The following PRKN variants were observed in gnomAD, a reference collection of about 807,000 sequenced individuals.
PRKN encodes parkin RBR E3 ubiquitin protein ligase.
In PRKN, 56 loss-of-function variants were observed where a neutral mutation model predicts 59.5. The observed-to-expected ratio is 0.94, with a 90% CI of 0.76 to 1.18. PRKN has a LOEUF of 1.18. Ranked by LOEUF, PRKN falls within the 50% of genes most tolerant of loss-of-function variation. The pLI, the probability that PRKN is intolerant of heterozygous loss-of-function variation, is 0.00. For missense variants in PRKN, 657 were observed against 596.4 expected, an observed-to-expected ratio of 1.10 and a Z score of -1.06; for synonymous variants, 250 against 222.1, an observed-to-expected ratio of 1.13 and a Z score of -1.12.
intron 2 of PRKN, among the ~76,000 whole-genome samples, chr6:162,377,156 G>T (rs1786153293): frequency 6.6e-6 from 1 of 152,162 alleles, no homozygotes; most frequent in South Asian, 2.1e-4. Flanking sequence ...CATACAGTTA[G>T]CCAATACCCT....
intron 6 of PRKN, among the ~76,000 whole-genome samples, chr6:161,958,502 T>TA (rs1366407996): frequency 2.0e-5 from 3 of 152,186 alleles, no homozygotes; most frequent in African/African-American, 7.2e-5. Flanking sequence ...ATGGTATTTG[T>TA]AAAAAATAAT....
chr6:162,331,007 G>C (rs1191955699), intron 2 of PRKN, among the ~76,000 whole-genome samples: 1 of 152,056 alleles, frequency 6.6e-6, no homozygotes, highest in African/African-American at 2.4e-5. Flanking sequence ...TATCGTTTCA[G>C]GTTTTCCATC....
chr6:161,392,495 T>C (rs1222989202), intron 9 of PRKN, among the ~76,000 whole-genome samples: 2 of 150,702 alleles, frequency 1.3e-5, no homozygotes, highest in Non-Finnish European at 3.0e-5. Flanking sequence ...TGCAAAATTA[T>C]AGTTCAAACC....
At chr6:162,376,782 G>T (rs1160535396) in intron 2 of PRKN, among the ~76,000 whole-genome samples, 1 of 99,164 alleles carries the variant, frequency 1.0e-5, no homozygotes, top group Non-Finnish European at 2.1e-5. Flanking sequence ...AGGGGGAGGG[G>T]GAGGGGAGGA....
At chr6:162,100,335 T>G (rs112121987) in intron 4 of PRKN, among the ~76,000 whole-genome samples, 5 of 152,270 alleles carry the variant, frequency 3.3e-5, no homozygotes, top group African/African-American at 9.6e-5. Context: ...ATTTTTAACT[T>G]TTGAGCTGTT....
At chr6:162,257,811 C>T (rs1250065596) in intron 3 of PRKN, among the ~76,000 whole-genome samples, 1 of 152,110 alleles carries the variant, frequency 6.6e-6, no homozygotes, top group Non-Finnish European at 1.5e-5. Context: ...TCCACCCTTT[C>T]CTCCTGCAGT....
rs577282260 is a variant in PRKN, at chr6:162,667,310, T to C, written c.7+60352A>G. ...AGCCAGCCAGAAGATTTTTTACAAT[T>C]TTAAACGGGTTAATTACCAAGTATA... is the stretch of plus-strand genomic sequence containing the variant. On this transcript the variant is annotated intron_variant, in intron 1 of 11. Coordinates refer to ENST00000366898, the MANE Select transcript of PRKN (RefSeq NM_004562.3). 3.3e-5 allele frequency among the ~76,000 whole-genome samples: 5 copies of C among 152,198 alleles called. No individual in the cohort carries two copies. The South Asian group carries it at 1.0e-3, about 32-fold the overall frequency.
chr6:161,971,164 C>T (rs1162496693), intron 6 of PRKN, among the ~76,000 whole-genome samples: 1 of 152,042 alleles, frequency 6.6e-6, no homozygotes, highest in African/African-American at 2.4e-5. Flanking sequence ...ATTAATGTGA[C>T]AATATTATTT....
intron 7 of PRKN, among the ~76,000 whole-genome samples, chr6:161,659,925 G>A (rs771822542): frequency 7.9e-5 from 12 of 152,152 alleles, no homozygotes; most frequent in African/African-American, 1.2e-4. Flanking sequence ...TCATTACCGA[G>A]TTCATACAGT....
chr6:161,787,342 C>T (rs1423784342), intron 6 of PRKN, among the ~76,000 whole-genome samples: 13 of 152,150 alleles, frequency 8.5e-5, no homozygotes, highest in Admixed American at 8.5e-4. Flanking sequence ...CAAGGGCGCA[C>T]CTAAAGGTGC....
Position 162,710,828 on chromosome 6 carries a change from G to A in PRKN, c.7+16834C>T, listed in dbSNP as rs987864014. Among the ~76,000 whole-genome samples the A allele has an allele frequency of 2.0e-5, 3 of 152,166 alleles. No homozygotes were observed. The South Asian group carries it at 6.2e-4, about 32-fold the overall frequency. On this transcript the variant is annotated intron_variant, in intron 1 of 11. Coordinates refer to ENST00000366898, the MANE Select transcript of PRKN (RefSeq NM_004562.3). ...CTCTTGTGGAGAAAAATGAACAGCT[G>A]AAATCCCATTTTCAGGTGAATCTCC...
intron 7 of PRKN, among the ~76,000 whole-genome samples, chr6:161,763,927 A>G (rs1190402853): frequency 6.6e-6 from 1 of 152,050 alleles, no homozygotes; most frequent in Admixed American, 6.6e-5. Context: ...GCCCCTTTGC[A>G]ACCATTTTCC....
chr6:161,727,125 G>A (rs1023129183), intron 7 of PRKN, among the ~76,000 whole-genome samples: 1 of 152,160 alleles, frequency 6.6e-6, no homozygotes, highest in African/African-American at 2.4e-5. Context: ...GGGTGGCGAT[G>A]GGCTCCATAA....
chr6:161,706,854 G>A (rs752772305), intron 7 of PRKN, among the ~76,000 whole-genome samples: 6 of 152,092 alleles, frequency 3.9e-5, no homozygotes, highest in South Asian at 2.1e-4. Flanking sequence ...CACCACACCC[G>A]GACTGACTCA....
At chr6:162,508,777 G>A (rs775646818) in intron 1 of PRKN, among the ~76,000 whole-genome samples, 74 of 152,158 alleles carry the variant, frequency 4.9e-4, no homozygotes, top group Non-Finnish European at 7.9e-4. Context: ...ATATAAGCCC[G>A]GGAGGTTGAG....
At chr6:162,669,573 G>A (rs1411954863) in intron 1 of PRKN, among the ~76,000 whole-genome samples, 1 of 152,134 alleles carries the variant, frequency 6.6e-6, no homozygotes, top group African/African-American at 2.4e-5. Flanking sequence ...CTCATACACA[G>A]TTTCCACTTT....
At chr6:161,826,463 C>T (rs1181946682) in intron 6 of PRKN, among the ~76,000 whole-genome samples, 2 of 152,142 alleles carry the variant, frequency 1.3e-5, no homozygotes, top group South Asian at 2.1e-4. Flanking sequence ...TATTTCTGCT[C>T]ATCCTTGCAG....
At chr6:162,288,724 G>C (rs1225734947) in intron 2 of PRKN, among the ~76,000 whole-genome samples, 1 of 152,110 alleles carries the variant, frequency 6.6e-6, no homozygotes, top group Non-Finnish European at 1.5e-5. Context: ...CACAAACATG[G>C]AAATGGTGAA....
intron 1 of PRKN, among the ~76,000 whole-genome samples, chr6:162,721,646 C>G (rs1206690693): frequency 6.6e-6 from 1 of 152,188 alleles, no homozygotes; most frequent in Non-Finnish European, 1.5e-5. Flanking sequence ...GCTGAGTTTT[C>G]CAGTACTTCC....
Sources: allele counts gnomAD v4.1 joint callset (sites outside exome capture counted in the v4.1 genomes callset), GRCh38; gene constraint gnomAD v4.1.1; transcripts MANE v1.5; gene names NCBI Gene and HGNC (gene_info 2026-07-23, HGNC 2026-07-21).